Variants in TFB1M observed in about 807,000 individuals in gnomAD.
The protein encoded by TFB1M is dimethyladenosine transferase 1, mitochondrial.
In TFB1M, 27 loss-of-function variants were observed where a neutral mutation model predicts 31.1. That is an observed-to-expected ratio of 0.87 (90% CI 0.64 to 1.20). The LOEUF (loss-of-function observed/expected upper bound fraction) is 1.20. TFB1M is among the 50% of genes most tolerant of loss of function. TFB1M has a pLI of 0.00. For synonymous variants in TFB1M, 166 were observed against 151.8 expected (o/e 1.09, Z -0.69); for missense variants, 394 against 418.7 (o/e 0.94, Z 0.51).
chr6:155,233,752 A>G, the TFB1M span, among the ~76,000 whole-genome samples: 1 of 152,126 alleles, frequency 6.6e-6, no homozygotes, highest in Non-Finnish European at 1.5e-5. Context: ...GGAGTTCAGG[A>G]GTTTGAGACC....
rs1784026404 is a variant in TFB1M at position 155,256,384 on chromosome 6, T to TAA, written c.*1450_*1451dup. 1.3e-6 allele frequency: 2 copies of TAA among 1,532,218 alleles called. No homozygotes were observed. Among genetic ancestry groups the TAA allele is most frequent in the Non-Finnish European group, 1.8e-6 (2 of 1,133,758 alleles). The allele number at this position is 1,532,218 out of a possible 1,614,324, so 94.9% of individuals were successfully genotyped here. A position where few individuals can be genotyped will look rare whatever the true frequency, so the allele number is the denominator to read the frequency against. ...TGCTAACTGAAGTCATATCATAAAA[T>TAA]AAAATCTTAATGTTAAATCTTACAC... On this transcript the variant is annotated 3_prime_UTR_variant, in exon 7 of 7. Coordinates refer to ENST00000367166, the MANE Select transcript of TFB1M (RefSeq NM_016020.4).
At chr6:155,232,190 G>C in the TFB1M span, among the ~76,000 whole-genome samples, 2 of 152,082 alleles carry the variant, frequency 1.3e-5, no homozygotes, top group Non-Finnish European at 2.9e-5. Context: ...GATAATACTA[G>C]ATCTTTCTGT....
chr6:155,245,272 A>G, the TFB1M span, among the ~76,000 whole-genome samples: 1 of 152,202 alleles, frequency 6.6e-6, no homozygotes, highest in Non-Finnish European at 1.5e-5. Flanking sequence ...AACCATACAG[A>G]CAGCATCACT....
At chr6:155,244,034 A>G in the TFB1M span, 2 of 1,613,984 alleles carry the variant, frequency 1.2e-6, no homozygotes, top group Non-Finnish European at 1.7e-6. Flanking sequence ...TCTTTGAATT[A>G]TACTTGGAGC....
chr6:155,263,772 T>C (rs1784496418), intron 5 of TFB1M, among the ~76,000 whole-genome samples: 1 of 152,156 alleles, frequency 6.6e-6, no homozygotes, highest in South Asian at 2.1e-4. Context: ...CACGACCACA[T>C]GCACAGACAC....
the TFB1M span, among the ~76,000 whole-genome samples, chr6:155,241,261 A>G: frequency 6.6e-6 from 1 of 152,200 alleles, no homozygotes; most frequent in African/African-American, 2.4e-5. Flanking sequence ...TCCATCTCAT[A>G]AGCCCCCAGT....
At chr6:155,248,655 G>A in the TFB1M span, among the ~76,000 whole-genome samples, 2 of 152,174 alleles carry the variant, frequency 1.3e-5, no homozygotes, top group Non-Finnish European at 2.9e-5. Flanking sequence ...TCCCAATGAT[G>A]GGTTATGCTT....
chr6:155,300,945 C>T (rs1465899813), intron 2 of TFB1M, among the ~76,000 whole-genome samples: 1 of 152,042 alleles, frequency 6.6e-6, no homozygotes, highest in African/African-American at 2.4e-5. Flanking sequence ...GCTGGGATTA[C>T]AGGTGTGCAC....
chr6:155,279,372 T>C (rs1189452686), intron 5 of TFB1M, among the ~76,000 whole-genome samples: 1 of 152,148 alleles, frequency 6.6e-6, no homozygotes, highest in Non-Finnish European at 1.5e-5. Context: ...TGTCAGAAGC[T>C]GGTTAACGAC....
chr6:155,242,407 C>T, the TFB1M span, among the ~76,000 whole-genome samples: 1 of 152,246 alleles, frequency 6.6e-6, no homozygotes, highest in Non-Finnish European at 1.5e-5. Context: ...TATGTGTTCC[C>T]TGAGATATGA....
At chr6:155,270,416 T>A (rs1388107048) in intron 5 of TFB1M, among the ~76,000 whole-genome samples, 1 of 152,204 alleles carries the variant, frequency 6.6e-6, no homozygotes, top group Non-Finnish European at 1.5e-5. Flanking sequence ...GTAATGTTGA[T>A]AAACTATATT....
chr6:155,305,700 A>T (rs865812086), intron 2 of TFB1M, among the ~76,000 whole-genome samples: 11 of 47,028 alleles, frequency 2.3e-4, no homozygotes, highest in East Asian at 1.0e-3. Flanking sequence ...TTTATATATA[A>T]ATATATATTA....
chr6:155,294,915 T>C (rs979531366), intron 4 of TFB1M, among the ~76,000 whole-genome samples: 2 of 152,176 alleles, frequency 1.3e-5, no homozygotes, highest in Non-Finnish European at 2.9e-5. Flanking sequence ...TGAGAATGAA[T>C]AGATAAGGAT....
At chr6:155,307,545 T>C (rs1046032412) in intron 2 of TFB1M, among the ~76,000 whole-genome samples, 4 of 152,120 alleles carry the variant, frequency 2.6e-5, no homozygotes, top group African/African-American at 9.7e-5. Context: ...CATCTCCCAC[T>C]GAGTCCCTCC....
intron 4 of TFB1M, among the ~76,000 whole-genome samples, chr6:155,287,995 G>C (rs1776741915): frequency 1.3e-5 from 2 of 152,196 alleles, no homozygotes; most frequent in South Asian, 4.1e-4. Context: ...GTTTGCAGCT[G>C]CTGGGTTTGC....
intron 5 of TFB1M, among the ~76,000 whole-genome samples, chr6:155,271,700 G>A (rs144688204): frequency 6.6e-6 from 1 of 152,228 alleles, no homozygotes; most frequent in Non-Finnish European, 1.5e-5. Context: ...AAATATTTCA[G>A]ACCACATTCT....
chr6:155,301,828 A>G lies in TFB1M; in HGVS notation c.286-3243T>C, dbSNP rs182468708. Among the ~76,000 whole-genome samples the G allele has an allele frequency of 8.1e-3, 1,236 of 152,358 alleles. 14 individuals are homozygous for G. Among genetic ancestry groups the G allele is most frequent in the African/African-American group, 0.028 (1,178 of 41,584 alleles). On this transcript the variant is annotated intron_variant, in intron 2 of 6. Transcript: ENST00000367166. ...ATGACAGCTAGCTCTCGTGATTTACATAATGAAATATATAATTTTTGCTTT... is the reference window on the plus strand; with the variant it reads ...ATGACAGCTAGCTCTCGTGATTTACGTAATGAAATATATAATTTTTGCTTT...
At chr6:155,310,852 T>A (rs1777985398) in intron 2 of TFB1M, 1 of 268,460 alleles carries the variant, frequency 3.7e-6, no homozygotes, top group Admixed American at 4.9e-5. Flanking sequence ...CCATTATTTA[T>A]TTTTATTTAT....
chr6:155,264,011 T>C (rs1429642340), intron 5 of TFB1M: 3 of 151,142 alleles, frequency 2.0e-5, no homozygotes. Flanking sequence ...TAAGAAGGAT[T>C]CAAAGTTCGA....
Sources: allele counts gnomAD v4.1 joint callset (sites outside exome capture counted in the v4.1 genomes callset), GRCh38; gene constraint gnomAD v4.1.1; transcripts MANE v1.5; gene names NCBI Gene and HGNC (gene_info 2026-07-23, HGNC 2026-07-21).